Variants in ITPR1 observed in about 807,000 individuals in gnomAD.
ITPR1 encodes inositol 1,4,5-trisphosphate-gated calcium channel ITPR1.
A neutral mutation model predicts 318.4 loss-of-function variants in ITPR1; 96 were observed. The observed-to-expected ratio is 0.30, with a 90% confidence interval of 0.26 to 0.36. The LOEUF (loss-of-function observed/expected upper bound fraction) is 0.36, where lower values mean the gene tolerates loss of function less well. ITPR1 is among the 10% of genes least tolerant of loss of function. ITPR1 has a pLI of 1.00. For synonymous variants in ITPR1, 1,312 were observed against 1,289.9 expected (o/e 1.02, Z -0.37); for missense variants, 2,440 against 3,460.2 (o/e 0.71, Z 7.40).
At chr3:4,565,989 T>C (rs991570287) in intron 4 of ITPR1, among the ~76,000 whole-genome samples, 2 of 152,234 alleles carry the variant, frequency 1.3e-5, no homozygotes, top group Admixed American at 6.5e-5. Flanking sequence ...GCTTCACTCC[T>C]AGTGAATCTG....
intron 44 of ITPR1, among the ~76,000 whole-genome samples, chr3:4,756,815 A>G (rs1559841355): frequency 6.6e-6 from 1 of 152,234 alleles, no homozygotes; most frequent in Non-Finnish European, 1.5e-5. Flanking sequence ...GTTGGACACT[A>G]GTCTTTGGCC....
chr3:4,683,842 T>G, intron 28 of ITPR1, 44 bp downstream of exon 28: 1 of 1,553,972 alleles, frequency 6.4e-7, no homozygotes, highest in South Asian at 1.1e-5. Context: ...ATGGATGGGC[T>G]TCTCGAAACT....
chr3:4,528,903 C>G (rs919024524), intron 4 of ITPR1, among the ~76,000 whole-genome samples: 5 of 152,320 alleles, frequency 3.3e-5, no homozygotes, highest in Non-Finnish European at 7.3e-5. Flanking sequence ...CTTGGACCAA[C>G]AGACTCCATT....
intron 45 of ITPR1, among the ~76,000 whole-genome samples, chr3:4,767,624 T>A (rs1047605974): frequency 3.5e-4 from 53 of 152,216 alleles, no homozygotes; most frequent in Admixed American, 3.5e-3. Context: ...GCCCAGATGA[T>A]CCTCCCACCT....
At chr3:4,655,390 T>G (rs2093683274) in intron 12 of ITPR1, among the ~76,000 whole-genome samples, 1 of 152,006 alleles carries the variant, frequency 6.6e-6, no homozygotes, top group South Asian at 2.1e-4. Flanking sequence ...AGACTGGCAT[T>G]TATGGTGCAG....
chr3:4,620,049 T>C (rs1254012963), intron 4 of ITPR1, among the ~76,000 whole-genome samples: 1 of 152,034 alleles, frequency 6.6e-6, no homozygotes, highest in Non-Finnish European at 1.5e-5. Context: ...TTTTTTCCTA[T>C]TTCAAAAGGT....
chr3:4,811,561 C>T, intron 56 of ITPR1, 101 bp downstream of exon 56: 1 of 872,276 alleles, frequency 1.1e-6, no homozygotes, highest in African/African-American at 1.7e-5. Flanking sequence ...GATATCTCCC[C>T]ATTGTATCTC....
chr3:4,694,040 C>T (rs2094519491), intron 33 of ITPR1, among the ~76,000 whole-genome samples: 1 of 152,152 alleles, frequency 6.6e-6, no homozygotes, highest in Non-Finnish European at 1.5e-5. Context: ...CCTGAATGAA[C>T]TTTTCAGAAA....
intron 55 of ITPR1, 36 bp downstream of exon 55, chr3:4,806,303 GA>G (rs753279619): frequency 1.9e-6 from 3 of 1,585,028 alleles, no homozygotes; most frequent in East Asian, 4.5e-5. Flanking sequence ...TATGTGTGGG[GA>G]AACTAGGAGA....
intron 60 of ITPR1, 138 bp downstream of exon 60, chr3:4,818,380 C>T (rs556631977): frequency 6.3e-5 from 39 of 619,478 alleles, no homozygotes; most frequent in Middle Eastern, 4.7e-4. Context: ...ACGGATGGGG[C>T]GCTGTGCTCT....
Position 4,770,552 on chromosome 3 carries a change from C to A in ITPR1, c.5979+1788C>A, listed in dbSNP as rs3792500. On this transcript the variant is annotated intron_variant, in intron 46 of 61. Coordinates refer to ENST00000649015, the MANE Select transcript of ITPR1 (RefSeq NM_001378452.1). ...CCCACAGTACCATGTGGCTTGCATGCTAGTGGGGGCCCCTCCAGATGAGGT... is the reference window on the plus strand; with the variant it reads ...CCCACAGTACCATGTGGCTTGCATGATAGTGGGGGCCCCTCCAGATGAGGT... 2.2e-3 allele frequency among the ~76,000 whole-genome samples: 328 copies of A among 152,310 alleles called. 8 individuals are homozygous for A. The East Asian group carries it at 0.054, about 25-fold the overall frequency.
Position 4,601,489 on chromosome 3 carries a change from G to C in ITPR1, c.164-26274G>C, listed in dbSNP as rs868129424. 5.3e-4 allele frequency among the ~76,000 whole-genome samples: 71 copies of C among 134,520 alleles called. 1 individual carries two copies. The highest frequency in any genetic ancestry group is 2.1e-3 in the African/African-American group (68 of 33,136). 88.3% of individuals were successfully genotyped at this position (134,520 alleles called of 152,430 possible). ...CACTGTAGCCTGGGCAATGGAGTGA[G>C]ACCCTGTCTCAAAAAAAAAAAAAAA... is the stretch of plus-strand genomic sequence containing the variant. On this transcript the variant is annotated intron_variant, in intron 4 of 61. Transcript: ENST00000649015.
intron 4 of ITPR1, among the ~76,000 whole-genome samples, chr3:4,522,085 A>G (rs967682666): frequency 6.6e-6 from 1 of 152,196 alleles, no homozygotes; most frequent in Non-Finnish European, 1.5e-5. Flanking sequence ...AGCTCTAGGC[A>G]CATGTTAGAA....
At chr3:4,595,743 A>G (rs548268169) in intron 4 of ITPR1, among the ~76,000 whole-genome samples, 3 of 152,218 alleles carry the variant, frequency 2.0e-5, no homozygotes, top group African/African-American at 7.2e-5. Context: ...GTGATGAAGA[A>G]GGTCGCATGG....
At chr3:4,712,746 C>G (rs777238080) in intron 39 of ITPR1, among the ~76,000 whole-genome samples, 6 of 152,238 alleles carry the variant, frequency 3.9e-5, no homozygotes, top group Non-Finnish European at 7.3e-5. Context: ...ATGTTGCTTT[C>G]TAACCTATCT....
chr3:4,549,244 T>C lies in ITPR1; in HGVS notation c.163+28150T>C, dbSNP rs565366366. Among the ~76,000 whole-genome samples the C allele has an allele frequency of 2.0e-4, 30 of 152,314 alleles. No homozygotes were observed. The East Asian group carries it at 5.2e-3, about 26-fold the overall frequency. On this transcript the variant is annotated intron_variant, in intron 4 of 61. Coordinates refer to ENST00000649015, the MANE Select transcript of ITPR1 (RefSeq NM_001378452.1). ...ATAGACAAATGCACTGACAGGGGTA[T>C]TTAGTAATCATTGTTTGCATTTTGT...
intron 44 of ITPR1, among the ~76,000 whole-genome samples, chr3:4,752,641 G>A (rs917288215): frequency 3.3e-5 from 5 of 152,176 alleles, no homozygotes; most frequent in Non-Finnish European, 5.9e-5. Context: ...CCTCCTTCAG[G>A]ATTATTGTTC....
chr3:4,573,594 A>T (rs1307148457), intron 4 of ITPR1, among the ~76,000 whole-genome samples: 1 of 152,240 alleles, frequency 6.6e-6, no homozygotes, highest in Non-Finnish European at 1.5e-5. Flanking sequence ...TAATGTCTTA[A>T]AAATTCTCAT....
intron 52 of ITPR1, among the ~76,000 whole-genome samples, chr3:4,793,198 A>G (rs2047680359): frequency 6.6e-6 from 1 of 152,250 alleles, no homozygotes; most frequent in Non-Finnish European, 1.5e-5. Flanking sequence ...CCTTATAAAA[A>G]TAAGATTCAT....
Sources: allele counts gnomAD v4.1 joint callset (sites outside exome capture counted in the v4.1 genomes callset), GRCh38; gene constraint gnomAD v4.1.1; transcripts MANE v1.5; gene names NCBI Gene and HGNC (gene_info 2026-07-23, HGNC 2026-07-21).